The following CD200R1 variants were observed in gnomAD, a reference collection of about 807,000 sequenced individuals.
CD200R1 encodes the protein CD200 receptor 1.
CD200R1 carries 30 observed loss-of-function variants against 38.1 expected under a neutral mutation model. The ratio of observed to expected loss-of-function variants is 0.79; its 90% CI spans 0.59 to 1.07. The LOEUF (loss-of-function observed/expected upper bound fraction) is 1.07, where lower values mean the gene tolerates loss of function less well. Among genes scored for constraint, CD200R1 ranks in the 50% least tolerant of loss-of-function variants. CD200R1 has a pLI of 0.00. For synonymous variants in CD200R1, 128 were observed against 152.1 expected, an observed-to-expected ratio of 0.84 and a Z score of 1.16; for missense variants, 372 against 415.4, an observed-to-expected ratio of 0.90 and a Z score of 0.91.
At chr3:112,937,116 T>C (rs139032482) in intron 2 of CD200R1, among the ~76,000 whole-genome samples, 3,257 of 151,992 alleles carry the variant, frequency 0.021, 40 homozygotes, top group South Asian at 0.047. Context: ...CCTCAGAAAA[T>C]TTACAATCAC....
chr3:112,967,444 C>T (rs1265960123), intron 1 of CD200R1, among the ~76,000 whole-genome samples: 1 of 152,234 alleles, frequency 6.6e-6, no homozygotes, highest in African/African-American at 2.4e-5. Flanking sequence ...CCAGATTAGA[C>T]TCACCAGTTA....
chr3:112,956,384 G>T (rs1941100471), intron 1 of CD200R1, among the ~76,000 whole-genome samples: 1 of 151,328 alleles, frequency 6.6e-6, no homozygotes, highest in African/African-American at 2.4e-5. Context: ...CTCTCTATTA[G>T]ATTTCCTTTT....
chr3:112,932,486 A>T (rs1050644208), intron 2 of CD200R1, among the ~76,000 whole-genome samples: 15 of 151,758 alleles, frequency 9.9e-5, no homozygotes, highest in African/African-American at 3.6e-4. Context: ...ATCCTCACCC[A>T]GGGCCTGGGA....
At chr3:112,927,401 T>TA (rs1170158669) in intron 5 of CD200R1, among the ~76,000 whole-genome samples, 1 of 151,310 alleles carries the variant, frequency 6.6e-6, no homozygotes, top group Non-Finnish European at 1.5e-5. Flanking sequence ...CTCTAGTTAT[T>TA]AAAAAATCAC....
chr3:112,939,690 A>G (rs1423788466), intron 2 of CD200R1, among the ~76,000 whole-genome samples: 1 of 151,912 alleles, frequency 6.6e-6, no homozygotes, highest in Non-Finnish European at 1.5e-5. Flanking sequence ...TAGAATAACT[A>G]ATATTGTTAA....
chr3:112,940,957 G>A (rs1031459304), intron 2 of CD200R1, among the ~76,000 whole-genome samples: 1 of 151,750 alleles, frequency 6.6e-6, no homozygotes, highest in Non-Finnish European at 1.5e-5. Flanking sequence ...TATACACAAT[G>A]GAATACTATT....
intron 2 of CD200R1, among the ~76,000 whole-genome samples, chr3:112,940,532 G>A (rs1220087226): frequency 6.6e-6 from 1 of 151,628 alleles, no homozygotes; most frequent in Non-Finnish European, 1.5e-5. Flanking sequence ...ACATACATAT[G>A]GTTAACAAAT....
At chr3:112,960,340 A>C (rs1932986048) in intron 1 of CD200R1, among the ~76,000 whole-genome samples, 1 of 152,058 alleles carries the variant, frequency 6.6e-6, no homozygotes, top group Non-Finnish European at 1.5e-5. Context: ...ATATTATCTT[A>C]ATTGTTCTTC....
intron 2 of CD200R1, among the ~76,000 whole-genome samples, chr3:112,931,877 T>C (rs1468349928): frequency 6.6e-6 from 1 of 151,772 alleles, no homozygotes; most frequent in Non-Finnish European, 1.5e-5. Flanking sequence ...GAGGGAAGCA[T>C]AAAAGCACCC....
chr3:112,953,206 A>T (rs576542657), intron 1 of CD200R1, among the ~76,000 whole-genome samples: 2 of 152,310 alleles, frequency 1.3e-5, no homozygotes, highest in African/African-American at 4.8e-5. Flanking sequence ...GCATCTATGG[A>T]AATGATCATC....
At position 112,929,257 on chromosome 3, in the gene CD200R1, C is replaced by A; in HGVS notation, c.453G>T (p.Gly151=). ...QIRTVAITHD[G]YYRCIMVTPD... is the part of the protein sequence containing the mutation. ...GTGTTACCATTATGCATCTGTAATACCCGTCATGAGTGATGGCCACGGTAC... is the reference window on the plus strand; with the variant it reads ...GTGTTACCATTATGCATCTGTAATAACCGTCATGAGTGATGGCCACGGTAC... The change falls in exon 4 of 8, where the codon GGG becomes GGT. Residue 151 remains glycine, a synonymous_variant. Coordinates refer to ENST00000308611, the MANE Select transcript of CD200R1 (RefSeq NM_138806.4). The A allele has an allele frequency of 6.2e-7, 1 of 1,614,118 alleles. No individual in the cohort carries two copies. The highest frequency in any genetic ancestry group is 8.5e-7 in the Non-Finnish European group (1 of 1,180,032).
chr3:112,924,502 TG>T lies in CD200R1; in HGVS notation c.911del (p.Pro304GlnfsTer28). Reference sequence around the variant, plus strand: ...TATCTTATCTTACCTCCTCAACAACTGGAGTAGATTCTGTTTTATTCAATTT... The same window carrying T: ...TATCTTATCTTACCTCCTCAACAACTGAGTAGATTCTGTTTTATTCAATTT... ...KYKLNKTESTPVVEEDEMQPY... is the reference protein window; with the variant it reads ...KYKLNKTESTXVVEEDEMQPY... On this transcript the variant is annotated frameshift_variant, in exon 7 of 8. Coordinates refer to ENST00000308611, the MANE Select transcript of CD200R1 (RefSeq NM_138806.4). LOFTEE classifies it low-confidence loss of function (END_TRUNC). 2 of 1,321,042 alleles carry T rather than the reference TG, an allele frequency of 1.5e-6. No homozygotes were observed. Among genetic ancestry groups the T allele is most frequent in the Non-Finnish European group, 2.0e-6 (2 of 1,008,184 alleles). 81.8% of individuals were successfully genotyped at this position (1,321,042 alleles called of 1,614,324 possible).
At chr3:112,934,099 G>GGA (rs142225648) in intron 2 of CD200R1, among the ~76,000 whole-genome samples, 1 of 151,872 alleles carries the variant, frequency 6.6e-6, no homozygotes, top group African/African-American at 2.4e-5. Flanking sequence ...CCAAGTTTTG[G>GGA]GAGAGAGAGA....
intron 1 of CD200R1, among the ~76,000 whole-genome samples, chr3:112,951,174 G>A (rs561089397): frequency 6.6e-6 from 1 of 151,982 alleles, no homozygotes; most frequent in Admixed American, 6.6e-5. Flanking sequence ...CAGGAAGGAA[G>A]GAAGGGTCAT....
At chr3:112,963,542 T>C (rs142633993) in intron 1 of CD200R1, among the ~76,000 whole-genome samples, 3 of 152,180 alleles carry the variant, frequency 2.0e-5, no homozygotes, top group African/African-American at 7.2e-5. Flanking sequence ...GCCCTAGAGA[T>C]GTGTGGAACT....
intron 1 of CD200R1, among the ~76,000 whole-genome samples, chr3:112,969,567 G>A (rs1421404478): frequency 6.6e-6 from 1 of 152,174 alleles, no homozygotes; most frequent in Admixed American, 6.5e-5. Context: ...CTCCAGGGAT[G>A]ACTTCAGTTA....
At chr3:112,931,684 C>T (rs940527875) in intron 2 of CD200R1, among the ~76,000 whole-genome samples, 1 of 152,022 alleles carries the variant, frequency 6.6e-6, no homozygotes, top group Admixed American at 6.6e-5. Flanking sequence ...TATTAGAGTA[C>T]AAAGGGAAAA....
At chr3:112,938,552 A>G (rs1486188887) in intron 2 of CD200R1, among the ~76,000 whole-genome samples, 1 of 152,056 alleles carries the variant, frequency 6.6e-6, no homozygotes, top group Non-Finnish European at 1.5e-5. Flanking sequence ...ACAACTTTAA[A>G]CCAACAAGAA....
Position 112,923,522 on chromosome 3 carries a change from A to T in CD200R1, c.*155T>A. The T allele has an allele frequency of 2.2e-6, 1 of 458,550 alleles. No homozygotes were observed. The highest frequency in any genetic ancestry group is 3.9e-6 in the Non-Finnish European group (1 of 257,466). The allele number at this position is 458,550 out of a possible 1,614,324, so 28.4% of individuals were successfully genotyped here. The stretch of plus-strand genomic sequence containing the variant: ...GCTAAGAATCAAAAATTCCAATTAT[A>T]CAAGGGTATGAATGAGAATCCATTA... On this transcript the variant is annotated 3_prime_UTR_variant, in exon 8 of 8. Coordinates refer to ENST00000308611, the MANE Select transcript of CD200R1 (RefSeq NM_138806.4).
Sources: gnomAD v4.1 joint callset for allele counts (sites outside exome capture counted in the v4.1 genomes callset) on GRCh38, gnomAD v4.1.1 for gene constraint, MANE v1.5 for transcripts, NCBI Gene and HGNC (gene_info 2026-07-23, HGNC 2026-07-21) for gene names.